Variants in CLCN4 observed in about 807,000 individuals in gnomAD.
CLCN4 encodes the protein Cl-/H+ antiporter 4, also known as H(+)/Cl(-) exchange transporter 4.
A neutral mutation model predicts 41.7 loss-of-function variants in CLCN4; 1 was observed. That is an observed-to-expected ratio of 0.02 (90% CI 0.01 to 0.11). The LOEUF is 0.11. Ranked by LOEUF, CLCN4 falls within the 10% of genes least tolerant of loss-of-function variation. CLCN4 has a pLI of 1.00. For synonymous variants in CLCN4, 277 were observed against 285.8 expected (o/e 0.97, Z 0.31); for missense variants, 287 against 661.0 (o/e 0.43, Z 6.20).
intron 2 of CLCN4, among the ~76,000 whole-genome samples, chrX:10,165,044 T>A (rs913786546): frequency 8.9e-6 from 1 of 112,693 alleles, no homozygotes; most frequent in African/African-American, 3.2e-5. Context: ...CTTCTCCAAG[T>A]GGCCCTGGTC....
At chrX:10,230,834 T>C (rs994020258) in intron 12 of CLCN4, among the ~76,000 whole-genome samples, 3 of 112,259 alleles carry the variant, frequency 2.7e-5, no homozygotes, top group Non-Finnish European at 5.6e-5. Flanking sequence ...GATGAACCAA[T>C]ATCAATACAT....
chrX:10,173,575 C>T (rs1923438370), intron 2 of CLCN4, among the ~76,000 whole-genome samples: 1 of 111,549 alleles, frequency 9.0e-6, no homozygotes, highest in Non-Finnish European at 1.9e-5. Context: ...GTGGCTCTTT[C>T]TCTGTCCTCT....
At chrX:10,226,434 A>G (rs975756767) in intron 12 of CLCN4, among the ~76,000 whole-genome samples, 1 of 111,764 alleles carries the variant, frequency 8.9e-6, no homozygotes, top group Non-Finnish European at 1.9e-5. Flanking sequence ...TGCCCATATC[A>G]AAAAGCTAGA....
Position 10,187,498 on chromosome X carries a change from T to C in CLCN4, c.145-17T>C. ...GAAAATGCATTCGGATCAGTTGCTG[T>C]ATCTGCTTTGTTCTAGATCACCAGC... On this transcript the variant is annotated splice_polypyrimidine_tract_variant and intron_variant, in intron 3 of 12. Transcript: ENST00000380833. 2 of 1,150,539 alleles carry C rather than the reference T, an allele frequency of 1.7e-6. No homozygotes were observed. The highest frequency in any genetic ancestry group is 2.4e-6 in the Non-Finnish European group (2 of 840,983). The allele number at this position is 1,150,539 out of a possible 1,213,427, so 94.8% of individuals were successfully genotyped here. A position where few individuals can be genotyped will look rare whatever the true frequency, so the allele number is the denominator to read the frequency against.
At chrX:10,196,371 A>T (rs987911513) in intron 5 of CLCN4, among the ~76,000 whole-genome samples, 1 of 111,715 alleles carries the variant, frequency 9.0e-6, no homozygotes, top group Non-Finnish European at 1.9e-5. Context: ...CTTCTAACCC[A>T]TTTCAGTGGT....
rs1171109052 is a variant in CLCN4, at chrX:10,234,554, A to G, written c.*970A>G. On this transcript the variant is annotated 3_prime_UTR_variant, in exon 13 of 13. Coordinates refer to ENST00000380833, the MANE Select transcript of CLCN4 (RefSeq NM_001830.4). ...AACAGGCTACCCAATGTTACTACTT[A>G]TTTTTCCTCTCAGGTCTTATCAGAT... 4.4e-5 allele frequency: 5 copies of G among 112,646 alleles called. No homozygotes were observed. Among genetic ancestry groups the G allele is most frequent in the Non-Finnish European group, 9.4e-5 (5 of 53,284 alleles). The allele number at this position is 112,646 out of a possible 1,213,427, so 9.3% of individuals were successfully genotyped here.
rs889468112 is a variant in CLCN4 at position 10,212,758 on chromosome X, G to C, written c.1576+105G>C. On this transcript the variant is annotated intron_variant, in intron 10 of 12. Transcript: ENST00000380833. ...TTGAACATTTTCTTTACTCAGGATA[G>C]GCTGGGTTGTGTGGCTATAACAAGT... 9.0e-6 allele frequency: 7 copies of C among 775,086 alleles called. No individual in the cohort carries two copies. In the Admixed American group the frequency reaches 2.3e-4, roughly 26 times the overall value. The allele number at this position is 775,086 out of a possible 1,213,427, so 63.9% of individuals were successfully genotyped here.
intron 2 of CLCN4, among the ~76,000 whole-genome samples, chrX:10,161,564 G>A (rs761375887): frequency 8.9e-6 from 1 of 112,102 alleles, no homozygotes; most frequent in African/African-American, 3.2e-5. Flanking sequence ...GGCATTTTGG[G>A]GATGCCTGGA....
At chrX:10,206,011 C>T (rs1407347196) in intron 6 of CLCN4, among the ~76,000 whole-genome samples, 2 of 110,490 alleles carry the variant, frequency 1.8e-5, no homozygotes, top group Non-Finnish European at 3.8e-5. Context: ...ATTTCAGAGT[C>T]AAAAGTTAAC....
At chrX:10,191,778 G>A (rs1306150726) in intron 4 of CLCN4, among the ~76,000 whole-genome samples, 5 of 87,489 alleles carry the variant, frequency 5.7e-5, no homozygotes, top group Non-Finnish European at 1.0e-4. Flanking sequence ...GGCCTCAAAC[G>A]ATTTGTCCAC....
intron 2 of CLCN4, among the ~76,000 whole-genome samples, chrX:10,173,672 G>C (rs935435568): frequency 2.7e-5 from 3 of 112,041 alleles, no homozygotes; most frequent in African/African-American, 6.5e-5. Flanking sequence ...GCCTCTGCGG[G>C]GGCGGGAGCT....
At chrX:10,216,918 T>TATATATACACACACACACACAC (rs773265490) in intron 11 of CLCN4, among the ~76,000 whole-genome samples, 1 of 38,931 alleles carries the variant, frequency 2.6e-5, no homozygotes, top group Non-Finnish European at 4.2e-5. Flanking sequence ...TATATATATA[T>TATATATACACACACACACACAC]ACACACACAC....
intron 6 of CLCN4, among the ~76,000 whole-genome samples, chrX:10,201,365 T>A (rs754235454): frequency 8.9e-6 from 1 of 112,453 alleles, no homozygotes; most frequent in East Asian, 2.8e-4. Context: ...TAAAGAACTT[T>A]CAGGAACCAA....
At chrX:10,205,607 CTTTTT>C (rs923729645) in intron 6 of CLCN4, among the ~76,000 whole-genome samples, 1 of 90,625 alleles carries the variant, frequency 1.1e-5, no homozygotes, top group African/African-American at 4.2e-5. Context: ...TGGCATATTC[CTTTTT>C]TTTTTTTTTT....
intron 2 of CLCN4, among the ~76,000 whole-genome samples, chrX:10,161,307 G>A (rs915803493): frequency 9.0e-6 from 1 of 111,253 alleles, no homozygotes; most frequent in African/African-American, 3.3e-5. Context: ...CACTCCCCAC[G>A]CCACTGTCCT....
chrX:10,183,579 T>G (rs1284415249), intron 2 of CLCN4, among the ~76,000 whole-genome samples: 1 of 112,214 alleles, frequency 8.9e-6, no homozygotes, highest in Non-Finnish European at 1.9e-5. Context: ...TCCAACCTCT[T>G]GTCTCTGTAA....
chrX:10,222,550 A>C (rs1360877166), intron 12 of CLCN4, among the ~76,000 whole-genome samples: 2 of 110,801 alleles, frequency 1.8e-5, no homozygotes, highest in African/African-American at 6.6e-5. Flanking sequence ...TCTGGAGACA[A>C]TTTGGGGTGT....
At position 10,236,474 on chromosome X, in the gene CLCN4, C is replaced by A. The variant is rs1260505255; in HGVS notation, c.*2890C>A. ...GATGAGGAGTCTGCAGTGGGGACTACCACAGCAAACTGCCTTCCTTCCGTG... is the reference window on the plus strand; with the variant it reads ...GATGAGGAGTCTGCAGTGGGGACTAACACAGCAAACTGCCTTCCTTCCGTG... On this transcript the variant is annotated 3_prime_UTR_variant, in exon 13 of 13. Coordinates refer to ENST00000380833, the MANE Select transcript of CLCN4 (RefSeq NM_001830.4). The A allele has an allele frequency of 8.9e-6, 1 of 111,967 alleles. No homozygotes were observed. Among genetic ancestry groups the A allele is most frequent in the Non-Finnish European group, 1.9e-5 (1 of 53,193 alleles). 9.2% of individuals were successfully genotyped at this position (111,967 alleles called of 1,213,427 possible).
chrX:10,159,541 C>G (rs1016807675), intron 2 of CLCN4, among the ~76,000 whole-genome samples: 1 of 110,842 alleles, frequency 9.0e-6, no homozygotes, highest in Admixed American at 9.6e-5. Context: ...ATTTTCCCCT[C>G]TAAAACCTGA....
Sources: allele counts gnomAD v4.1 joint callset (sites outside exome capture counted in the v4.1 genomes callset), GRCh38; gene constraint gnomAD v4.1.1; transcripts MANE v1.5; gene names NCBI Gene and HGNC (gene_info 2026-07-23, HGNC 2026-07-21).